DMD: variants seen among roughly 807,000 people sequenced by gnomAD.
DMD encodes dystrophin.
DMD carries 63 observed loss-of-function variants against 330.1 expected under a neutral mutation model. The observed-to-expected ratio is 0.19, with a 90% CI of 0.16 to 0.24. DMD has a LOEUF of 0.24. Among genes scored for constraint, DMD ranks in the 10% least tolerant of loss-of-function variants. DMD has a pLI of 1.00. For synonymous variants in DMD, 1,223 were observed against 959.8 expected (o/e 1.27, Z -5.07); for missense variants, 3,344 against 2,684.1 (o/e 1.25, Z -5.43).
chrX:32,274,047 A>G (rs1295883798), intron 43 of DMD, among the ~76,000 whole-genome samples: 1 of 111,967 alleles, frequency 8.9e-6, no homozygotes, highest in Non-Finnish European at 1.9e-5. Context: ...TATTTAGAGA[A>G]GGGAAATTTG....
chrX:33,332,175 T>G (rs2054189523), intron 1 of DMD, among the ~76,000 whole-genome samples: 1 of 111,423 alleles, frequency 9.0e-6, no homozygotes, highest in Admixed American at 9.6e-5. Flanking sequence ...GTGGATTAAA[T>G]TTGTGAAAAC....
intron 1 of DMD, among the ~76,000 whole-genome samples, chrX:33,092,221 G>A (rs1326448360): frequency 9.0e-6 from 1 of 111,692 alleles, no homozygotes; most frequent in African/African-American, 3.2e-5. Context: ...CTAAAGAAAT[G>A]TTCCACAGGC....
chrX:32,766,158 G>C (rs984084903), intron 7 of DMD, among the ~76,000 whole-genome samples: 1 of 110,872 alleles, frequency 9.0e-6, no homozygotes, highest in East Asian at 2.9e-4. Flanking sequence ...CTTTTTTCAA[G>C]ATCGTTTCAA....
chrX:32,144,453 A>G (rs2096768925), intron 44 of DMD, among the ~76,000 whole-genome samples: 2 of 111,830 alleles, frequency 1.8e-5, no homozygotes, highest in South Asian at 7.4e-4. Context: ...TGGTAAAATT[A>G]CTTAAAATCT....
chrX:31,969,049 A>G (rs17308968), intron 44 of DMD, among the ~76,000 whole-genome samples: 176 of 111,616 alleles, frequency 1.6e-3, no homozygotes, highest in Non-Finnish European at 2.4e-3. Context: ...GTCTGCGTCA[A>G]TGTATTTTGC....
chrX:31,724,334 G>T (rs2085834555), intron 52 of DMD, among the ~76,000 whole-genome samples: 1 of 112,312 alleles, frequency 8.9e-6, no homozygotes, highest in East Asian at 2.8e-4. Context: ...TTTGGTTGCA[G>T]CAATGAATGA....
chrX:32,413,725 T>C (rs1348607428), intron 29 of DMD, among the ~76,000 whole-genome samples: 1 of 99,132 alleles, frequency 1.0e-5, no homozygotes, highest in Non-Finnish European at 2.0e-5. Context: ...TTTTTTTTTT[T>C]TTTTTTTGAG....
At position 33,119,616 on chromosome X, in the gene DMD, G is replaced by A. The variant is rs748964418; in HGVS notation, c.31+91666C>T. On this transcript the variant is annotated intron_variant, in intron 1 of 78. Coordinates refer to ENST00000357033, the MANE Select transcript of DMD (RefSeq NM_004006.3). ...GCTGAAATGCAGCAAGACTGCAGAA[G>A]AAAAGGAAGAAAAATGAAGTGTGGT... Among the ~76,000 whole-genome samples, 450 of 111,730 alleles carry A rather than the reference G, an allele frequency of 4.0e-3. 1 individual carries two copies. The highest frequency in any genetic ancestry group is 0.014 in the African/African-American group (435 of 30,746).
chrX:33,028,484 G>A (rs2094044016), intron 1 of DMD, among the ~76,000 whole-genome samples: 1 of 111,876 alleles, frequency 8.9e-6, no homozygotes. Context: ...TTATCGATTA[G>A]GCCTGTTGGC....
At chrX:32,834,102 G>A (rs181048355) in intron 4 of DMD, among the ~76,000 whole-genome samples, 183 of 110,959 alleles carry the variant, frequency 1.6e-3, no homozygotes, top group Non-Finnish European at 2.5e-3. Flanking sequence ...AATGCATTTC[G>A]CAGATGATAA....
At chrX:31,923,637 C>T (rs183371143) in intron 47 of DMD, among the ~76,000 whole-genome samples, 927 of 92,107 alleles carry the variant, frequency 0.01, 2 homozygotes, top group Middle Eastern at 0.082. Context: ...CTTGCTCTGT[C>T]GCCAGGCTGG....
intron 18 of DMD, chrX:32,517,748 G>A: frequency 2.4e-6 from 1 of 420,972 alleles, no homozygotes. Context: ...TCATAAAATT[G>A]TTAATTTATA....
intron 76 of DMD, among the ~76,000 whole-genome samples, chrX:31,138,688 AAGGGGG>A (rs1381716081): frequency 1.9e-5 from 1 of 53,438 alleles, no homozygotes; most frequent in East Asian, 5.9e-4. Context: ...AGAGAGAGAG[AAGGGGG>A]AAGTGCCACA....
intron 48 of DMD, among the ~76,000 whole-genome samples, chrX:31,863,015 G>C (rs1050602205): frequency 1.8e-5 from 2 of 112,808 alleles, no homozygotes; most frequent in African/African-American, 3.2e-5. Context: ...CGCCATTTTA[G>C]GCCTGAGGCT....
rs924205319 is a variant in DMD, at chrX:32,003,879, A to G, written c.6439-35365T>C. On this transcript the variant is annotated intron_variant, in intron 44 of 78. Coordinates refer to ENST00000357033, the MANE Select transcript of DMD (RefSeq NM_004006.3). ...AAATGACCGTAGTTCTCTTGAATCC[A>G]GATGCTGCGTGGGGGTTAAATTTTA... Among the ~76,000 whole-genome samples the G allele has an allele frequency of 2.7e-5, 3 of 111,319 alleles. 1 individual carries two copies. The highest frequency in any genetic ancestry group is 9.8e-5 in the African/African-American group (3 of 30,735).
intron 7 of DMD, among the ~76,000 whole-genome samples, chrX:32,790,311 T>C (rs1161001530): frequency 1.8e-5 from 2 of 111,959 alleles, no homozygotes; most frequent in Non-Finnish European, 3.8e-5. Context: ...CTCCCTAACA[T>C]GGGGAGAGAA....
chrX:32,474,015 T>A (rs781127384), intron 21 of DMD, among the ~76,000 whole-genome samples: 1 of 110,593 alleles, frequency 9.0e-6, no homozygotes, highest in African/African-American at 3.3e-5. Flanking sequence ...AAGTCCATTA[T>A]ATCATTCTAA....
At chrX:32,857,014 G>T (rs1339966783) in intron 2 of DMD, among the ~76,000 whole-genome samples, 1 of 109,199 alleles carries the variant, frequency 9.2e-6, no homozygotes, top group Admixed American at 9.7e-5. Context: ...GGCGGAGCTT[G>T]CAATGAGCCC....
At chrX:32,620,398 C>T (rs975173518) in intron 11 of DMD, among the ~76,000 whole-genome samples, 1 of 111,948 alleles carries the variant, frequency 8.9e-6, no homozygotes, top group Non-Finnish European at 1.9e-5. Flanking sequence ...AGCTTTCTTC[C>T]AATATGCATT....
Sources: allele counts gnomAD v4.1 joint callset (sites outside exome capture counted in the v4.1 genomes callset), GRCh38; gene constraint gnomAD v4.1.1; transcripts MANE v1.5; gene names NCBI Gene and HGNC (gene_info 2026-07-23, HGNC 2026-07-21).